The following CEP63 variants were observed in gnomAD, a reference collection of about 807,000 sequenced individuals.
CEP63 encodes centrosomal protein 63, also known as centrosomal protein of 63 kDa.
A neutral mutation model predicts 89.1 loss-of-function variants in CEP63; 84 were observed. The ratio of observed to expected loss-of-function variants is 0.94; its 90% confidence interval spans 0.79 to 1.13. The LOEUF (loss-of-function observed/expected upper bound fraction) is 1.13, where lower values mean the gene tolerates loss of function less well. Ranked by LOEUF, CEP63 falls within the 50% of genes most tolerant of loss-of-function variation. CEP63 has a pLI of 0.00. For missense variants in CEP63, 838 were observed against 813.3 expected (o/e 1.03, Z -0.37); for synonymous variants, 267 against 272.5 (o/e 0.98, Z 0.20).
chr3:134,640,894 T>G, the CEP63 span, among the ~76,000 whole-genome samples: 1 of 152,178 alleles, frequency 6.6e-6, no homozygotes, highest in African/African-American at 2.4e-5. Context: ...CTCTGTTTAT[T>G]CTCTACGCAT....
At chr3:134,506,527 A>G (rs967149153) in intron 2 of CEP63, among the ~76,000 whole-genome samples, 3 of 152,214 alleles carry the variant, frequency 2.0e-5, no homozygotes, top group Non-Finnish European at 4.4e-5. Context: ...TAAAACATCA[A>G]TCTTGTGCTT....
At chr3:134,705,907 T>C in the CEP63 span, among the ~76,000 whole-genome samples, 5 of 152,332 alleles carry the variant, frequency 3.3e-5, no homozygotes, top group African/African-American at 1.2e-4. Context: ...TAACTTTCTG[T>C]GTGTTAAGTG....
the CEP63 span, among the ~76,000 whole-genome samples, chr3:134,663,631 T>C: frequency 6.6e-6 from 1 of 152,298 alleles, no homozygotes. Flanking sequence ...AGAGCAGCAT[T>C]TGGGGGAAAG....
At chr3:134,708,078 G>A in the CEP63 span, among the ~76,000 whole-genome samples, 1 of 152,190 alleles carries the variant, frequency 6.6e-6, no homozygotes, top group Non-Finnish European at 1.5e-5. Context: ...CAAACAAGCA[G>A]CACTTATAAT....
chr3:134,486,963 A>T (rs1935714887), intron 1 of CEP63, among the ~76,000 whole-genome samples: 1 of 152,230 alleles, frequency 6.6e-6, no homozygotes, highest in South Asian at 2.1e-4. Context: ...CCCTTACGAC[A>T]TCAGGAGAGT....
chr3:134,767,714 T>A, the CEP63 span, among the ~76,000 whole-genome samples: 1 of 152,154 alleles, frequency 6.6e-6, no homozygotes, highest in Non-Finnish European at 1.5e-5. Context: ...CAAATCTGGG[T>A]CTGGTTACTC....
At chr3:134,558,773 A>G (rs1175984967) in intron 13 of CEP63, among the ~76,000 whole-genome samples, 1 of 152,182 alleles carries the variant, frequency 6.6e-6, no homozygotes, top group Non-Finnish European at 1.5e-5. Flanking sequence ...TATGGCTTAC[A>G]TGTTTTCCTA....
At chr3:134,635,108 A>G in the CEP63 span, among the ~76,000 whole-genome samples, 1 of 152,260 alleles carries the variant, frequency 6.6e-6, no homozygotes, top group Non-Finnish European at 1.5e-5. Flanking sequence ...AAATGTTTGT[A>G]TAGCAGCTCT....
chr3:134,682,597 G>T, the CEP63 span, among the ~76,000 whole-genome samples: 3 of 152,096 alleles, frequency 2.0e-5, no homozygotes, highest in Non-Finnish European at 2.9e-5. Flanking sequence ...AAATATTTTT[G>T]AATACTTTCT....
chr3:134,692,595 G>A, the CEP63 span, among the ~76,000 whole-genome samples: 254 of 152,278 alleles, frequency 1.7e-3, 3 homozygotes, highest in Non-Finnish European at 8.8e-5. Flanking sequence ...GAGTAAAATA[G>A]GCAAATAATA....
Position 134,551,983 on chromosome 3 carries a change from G to T in CEP63, c.1438G>T (p.Val480Leu), listed in dbSNP as rs567901615. 1.2e-6 allele frequency: 2 copies of T among 1,605,836 alleles called. No individual in the cohort carries two copies. The highest frequency in any genetic ancestry group is 1.7e-6 in the Non-Finnish European group (2 of 1,174,612). Residue 480 changes from valine (V) to leucine (L), a missense_variant, in exon 12 of 15, where the codon GTG becomes TTG. By Grantham distance (32) the Val-to-Leu change is conservative. Coordinates refer to ENST00000675561, the MANE Select transcript of CEP63 (RefSeq NM_001353108.3). ...KLENRHLSEM[V>L]MKLELGLHEA... is the part of the protein sequence containing the mutation. The stretch of plus-strand genomic sequence containing the variant: ...AGAAAATCGTCATCTTTCTGAAATG[G>T]TGATGAAATTGGAATTGGGTTTACA...
At chr3:134,533,714 C>T (rs1404993817) in intron 5 of CEP63, among the ~76,000 whole-genome samples, 1 of 152,092 alleles carries the variant, frequency 6.6e-6, no homozygotes, top group African/African-American at 2.4e-5. Flanking sequence ...TGGCATAGGA[C>T]CTAGGGATCT....
chr3:134,703,162 G>A, the CEP63 span, among the ~76,000 whole-genome samples: 1 of 151,988 alleles, frequency 6.6e-6, no homozygotes, highest in South Asian at 2.1e-4. Context: ...CAGGCGTGGT[G>A]GTGGGTGCCT....
chr3:134,692,550 T>A, the CEP63 span, among the ~76,000 whole-genome samples: 1 of 152,206 alleles, frequency 6.6e-6, no homozygotes, highest in African/African-American at 2.4e-5. Flanking sequence ...ATATAACTTC[T>A]GCAAAACTCC....
chr3:134,593,181 A>G, the CEP63 span, among the ~76,000 whole-genome samples: 1 of 152,216 alleles, frequency 6.6e-6, no homozygotes, highest in Non-Finnish European at 1.5e-5. Flanking sequence ...CATTGAAATC[A>G]GTGATTGCCA....
the CEP63 span, among the ~76,000 whole-genome samples, chr3:134,770,792 A>G: frequency 6.6e-6 from 1 of 152,188 alleles, no homozygotes; most frequent in African/African-American, 2.4e-5. Flanking sequence ...GAAAAATATA[A>G]ATGGATAAGT....
intron 1 of CEP63, among the ~76,000 whole-genome samples, chr3:134,489,758 C>T (rs189778760): frequency 6.6e-6 from 1 of 152,296 alleles, no homozygotes; most frequent in East Asian, 1.9e-4. Flanking sequence ...AATTCTTTGC[C>T]TCTATTTTCA....
the CEP63 span, among the ~76,000 whole-genome samples, chr3:134,600,148 A>G: frequency 6.6e-6 from 1 of 152,234 alleles, no homozygotes; most frequent in Non-Finnish European, 1.5e-5. Context: ...TGCCAATAGC[A>G]AATGATGTAG....
intron 2 of CEP63, among the ~76,000 whole-genome samples, chr3:134,502,695 T>C (rs1942361900): frequency 6.6e-6 from 1 of 152,180 alleles, no homozygotes; most frequent in Non-Finnish European, 1.5e-5. Context: ...ATTGTACTTA[T>C]TTGGATCTTC....
Sources: allele counts gnomAD v4.1 joint callset (sites outside exome capture counted in the v4.1 genomes callset), GRCh38; gene constraint gnomAD v4.1.1; transcripts MANE v1.5; gene names NCBI Gene and HGNC (gene_info 2026-07-23, HGNC 2026-07-21).